The following RADX variants were observed in gnomAD, a reference collection of about 807,000 sequenced individuals.
RADX encodes RPA1 related single stranded DNA binding protein, X-linked.
A neutral mutation model predicts 61.6 loss-of-function variants in RADX; 36 were observed. The ratio of observed to expected loss-of-function variants is 0.58; its 90% CI spans 0.45 to 0.77. The LOEUF (loss-of-function observed/expected upper bound fraction) is 0.77. Ranked by LOEUF, RADX falls within the 30% of genes least tolerant of loss-of-function variation. The pLI, the probability that RADX is intolerant of heterozygous loss-of-function variation, is 0.00. For synonymous variants in RADX, 272 were observed against 237.9 expected (o/e 1.14, Z -1.32); for missense variants, 497 against 651.1 (o/e 0.76, Z 2.58).
In RADX at chrX:106,612,271, C is replaced by T. The variant is rs1487127109; in HGVS notation, c.191C>T (p.Ser64Leu). ...TCACCTCGCCAGTGTGTCACCCCCTCGGAGGTGGTGCCTGTAACTGTGCTG... is the reference window on the plus strand; with the variant it reads ...TCACCTCGCCAGTGTGTCACCCCCTTGGAGGTGGTGCCTGTAACTGTGCTG... Reference protein sequence around the residue: ...MDSPRQCVTPSEVVPVTVLAV... With the variant: ...MDSPRQCVTPLEVVPVTVLAV... The change falls in exon 1 of 14, where the codon TCG becomes TTG. Residue 64 changes from serine (S) to leucine (L), a missense_variant. By Grantham distance (145) the Ser-to-Leu change is moderately radical. Coordinates refer to ENST00000372548, the MANE Select transcript of RADX (RefSeq NM_018015.6). 1 of 1,211,071 alleles carries T rather than the reference C, an allele frequency of 8.3e-7. No homozygotes were observed. Among genetic ancestry groups the T allele is most frequent in the Non-Finnish European group, 1.1e-6 (1 of 895,239 alleles).
In RADX at chrX:106,636,631, T is replaced by G; in HGVS notation, c.1392T>G (p.Ser464Arg). 1 of 1,150,790 alleles carries G rather than the reference T, an allele frequency of 8.7e-7. No homozygotes were observed. The highest frequency in any genetic ancestry group is 1.2e-6 in the Non-Finnish European group (1 of 844,920). 94.8% of individuals were successfully genotyped at this position (1,150,790 alleles called of 1,213,427 possible). A position where few individuals can be genotyped will look rare whatever the true frequency, so the allele number is the denominator to read the frequency against. The change falls in exon 7 of 14, where the codon AGT (serine) becomes AGG (arginine). Residue 464 changes from serine to arginine, a missense_variant. By Grantham distance (110) the Ser-to-Arg change is moderately radical. This residue lies in a region of RADX where 267 missense variants were observed against 306.9 expected (regional missense o/e 0.87). Transcript: ENST00000372548. ...TTTACCTCACCACTACAAATGAGAG[T>G]GGAGTGTTTATTACTGGTGAGTAAT... ...KLLYLTTTNESGVFITGHRGQ... is the reference protein window; with the variant it reads ...KLLYLTTTNERGVFITGHRGQ...
chrX:106,634,607 A>T (rs967050374), intron 6 of RADX, among the ~76,000 whole-genome samples: 1 of 111,453 alleles, frequency 9.0e-6, no homozygotes, highest in Non-Finnish European at 1.9e-5. Context: ...ATTAAATTTT[A>T]AAAATATATC....
Position 106,632,599 on chromosome X carries a change from A to G in RADX, c.980-26A>G, listed in dbSNP as rs372401965. On this transcript the variant is annotated intron_variant, in intron 3 of 13. Coordinates refer to ENST00000372548, the MANE Select transcript of RADX (RefSeq NM_018015.6). ...TTCTTTGGTGTGTATTAAATAGCATATTAAAGTAATATATTTATTTTTCAG... is the reference window on the plus strand; with the variant it reads ...TTCTTTGGTGTGTATTAAATAGCATGTTAAAGTAATATATTTATTTTTCAG... The G allele has an allele frequency of 4.4e-5, 44 of 1,003,034 alleles. No homozygotes were observed. The African/African-American group carries it at 7.3e-4, about 17-fold the overall frequency. 82.7% of individuals were successfully genotyped at this position (1,003,034 alleles called of 1,213,427 possible). A position where few individuals can be genotyped will look rare whatever the true frequency, so the allele number is the denominator to read the frequency against.
intron 3 of RADX, among the ~76,000 whole-genome samples, chrX:106,629,587 A>G (rs2147617448): frequency 8.9e-6 from 1 of 111,954 alleles, no homozygotes; most frequent in South Asian, 3.7e-4. Context: ...CATACATCAT[A>G]TTATAGAGAA....
chrX:106,625,227 AT>A lies in RADX; in HGVS notation c.926del (p.Phe309SerfsTer14). The A allele has an allele frequency of 8.3e-7, 1 of 1,200,276 alleles. No individual in the cohort carries two copies. The highest frequency in any genetic ancestry group is 1.1e-6 in the Non-Finnish European group (1 of 889,775). Reference sequence around the variant, plus strand: ...ACTATTCTGTTAAAAAGAGTTATCCATTCAGAATACAGCCTGTCCCCGTGGA... The same window carrying A: ...ACTATTCTGTTAAAAAGAGTTATCCATCAGAATACAGCCTGTCCCCGTGGA... ...QDYSVKKSYP[F>X]RIQPVPVDPQ... On this transcript the variant is annotated frameshift_variant, in exon 3 of 14. Coordinates refer to ENST00000372548, the MANE Select transcript of RADX (RefSeq NM_018015.6). LOFTEE classifies it high-confidence loss of function.
chrX:106,656,367 C>A (rs989633691), intron 11 of RADX, among the ~76,000 whole-genome samples: 17 of 111,704 alleles, frequency 1.5e-4, no homozygotes, highest in African/African-American at 5.5e-4. Context: ...GGTTTGGAAT[C>A]AATTTCTTCT....
chrX:106,637,779 T>C lies in RADX; in HGVS notation c.1428T>C (p.Tyr476=), dbSNP rs754205602. The C allele has an allele frequency of 1.7e-6, 2 of 1,207,810 alleles. No homozygotes were observed. Among genetic ancestry groups the C allele is most frequent in the Admixed American group, 4.4e-5 (2 of 45,682 alleles). ...GAGGAGGTCATAGAGGCCAGCCGTA[T>C]ACGTATGATGCCAAGGTAAAAAACT... ...VFITGHRGQP[Y]TYDAKVKNFI... is the part of the protein sequence containing the mutation. Residue 476 remains tyrosine (Y), a synonymous_variant, in exon 8 of 14, where the codon TAT becomes TAC. Coordinates refer to ENST00000372548, the MANE Select transcript of RADX (RefSeq NM_018015.6).
At chrX:106,660,915 G>A in intron 11 of RADX, among the ~76,000 whole-genome samples, 1 of 111,705 alleles carries the variant, frequency 9.0e-6, no homozygotes, top group Non-Finnish European at 1.9e-5. Flanking sequence ...TGGCTGGGGA[G>A]GCCTCAGGAA....
chrX:106,622,519 C>A, intron 1 of RADX, 132 bp from the exon 2 acceptor site: 1 of 510,037 alleles, frequency 2.0e-6, no homozygotes, highest in Non-Finnish European at 3.2e-6. Context: ...ATAGACTTAG[C>A]TGGCAAGGTT....
At position 106,612,312 on chromosome X, in the gene RADX, C is replaced by T. The variant is rs1417059214; in HGVS notation, c.232C>T (p.Leu78=). ...AACTGTGCTGGCCGTCCAGAGGTAC[C>T]TGTTAGAGGATGAGCCACGCGACAC... ...PVTVLAVQRY[L]LEDEPRDTVP... The change falls in exon 1 of 14, where the codon CTG becomes TTG. Residue 78 remains leucine, a synonymous_variant. Coordinates refer to ENST00000372548, the MANE Select transcript of RADX (RefSeq NM_018015.6). 5.0e-6 allele frequency: 6 copies of T among 1,211,775 alleles called. No homozygotes were observed. In the South Asian group the frequency reaches 5.3e-5, roughly 11 times the overall value.
chrX:106,639,123 A>G (rs1391291915), intron 8 of RADX, among the ~76,000 whole-genome samples: 3 of 111,883 alleles, frequency 2.7e-5, no homozygotes, highest in Non-Finnish European at 5.6e-5. Context: ...AAAAAGAGAA[A>G]CTTTAAAATG....
intron 1 of RADX, among the ~76,000 whole-genome samples, chrX:106,617,714 C>A (rs751808456): frequency 9.0e-6 from 1 of 111,630 alleles, no homozygotes; most frequent in African/African-American, 3.3e-5. Context: ...GACAATGATA[C>A]TCAAATGTGA....
rs753387931 is a variant in RADX, at chrX:106,662,099, A to G, written c.2063A>G (p.Lys688Arg). 3.3e-6 allele frequency: 4 copies of G among 1,210,606 alleles called. No homozygotes were observed. Among genetic ancestry groups the G allele is most frequent in the Non-Finnish European group, 4.5e-6 (4 of 894,658 alleles). Reference sequence around the variant, plus strand: ...TGGGAGAGTCAGCTGTGGAGAGAGAAAAAGTTTGGCTTAATAGATCACCTA... The same window carrying G: ...TGGGAGAGTCAGCTGTGGAGAGAGAGAAAGTTTGGCTTAATAGATCACCTA... ...DRWESQLWRE[K>R]KFGLIDHLHY... is the part of the protein sequence containing the mutation. Residue 688 changes from lysine (K) to arginine (R), a missense_variant, in exon 12 of 14, where the codon AAA (lysine) becomes AGA (arginine). Transcript: ENST00000372548.
intron 1 of RADX, 73 bp from the exon 2 acceptor site, chrX:106,622,578 A>T (rs1926978389): frequency 1.1e-6 from 1 of 898,581 alleles, no homozygotes; most frequent in African/African-American, 2.0e-5. Flanking sequence ...TACTATTTTT[A>T]ACCATTAAAA....
chrX:106,625,602 A>G (rs1051861379), intron 3 of RADX, among the ~76,000 whole-genome samples: 2 of 111,731 alleles, frequency 1.8e-5, no homozygotes, highest in African/African-American at 6.5e-5. Flanking sequence ...TTTTGCACTT[A>G]CTAGTAGGTG....
intron 12 of RADX, among the ~76,000 whole-genome samples, chrX:106,668,094 G>A (rs1361724985): frequency 1.8e-5 from 2 of 111,539 alleles, no homozygotes; most frequent in African/African-American, 6.5e-5. Context: ...AAAGCGCTAA[G>A]TGGCCTTTAG....
intron 3 of RADX, among the ~76,000 whole-genome samples, chrX:106,628,432 A>G (rs961242746): frequency 1.8e-5 from 2 of 111,571 alleles, no homozygotes; most frequent in Non-Finnish European, 3.8e-5. Flanking sequence ...AGCAGAGATT[A>G]GGAAAAATAT....
chrX:106,642,264 ACTCTTTTAGTT>A (rs1392298648), intron 10 of RADX, among the ~76,000 whole-genome samples: 2 of 110,807 alleles, frequency 1.8e-5, no homozygotes, highest in African/African-American at 6.6e-5. Flanking sequence ...ATCAAATTAC[ACTCTTTTAGTT>A]ACATTTAAAT....
rs371324122 is a variant in RADX, at chrX:106,648,415, T to C, written c.1978+29T>C. 12 of 1,005,876 alleles carry C rather than the reference T, an allele frequency of 1.2e-5. No individual in the cohort carries two copies. In the African/African-American group the frequency reaches 1.9e-4, roughly 16 times the overall value. 82.9% of individuals were successfully genotyped at this position (1,005,876 alleles called of 1,213,427 possible). A position where few individuals can be genotyped will look rare whatever the true frequency, so the allele number is the denominator to read the frequency against. ...TGTTACTATTTGTTATTATTATTTA[T>C]GAAAACTTTATGAAACATTATTCTA... On this transcript the variant is annotated intron_variant, in intron 11 of 13. Coordinates refer to ENST00000372548, the MANE Select transcript of RADX (RefSeq NM_018015.6).
Sources: gnomAD v4.1 joint callset for allele counts (sites outside exome capture counted in the v4.1 genomes callset) on GRCh38, gnomAD v4.1.1 for gene constraint, gnomAD v4.1.1 regional missense constraint, MANE v1.5 for transcripts, NCBI Gene and HGNC (gene_info 2026-07-23, HGNC 2026-07-21) for gene names.